Variants in HECW1 observed in about 807,000 individuals in gnomAD.
HECW1 encodes HECT, C2 and WW domain containing E3 ubiquitin protein ligase 1.
HECW1 carries 61 observed loss-of-function variants against 182.3 expected under a neutral mutation model. That is an observed-to-expected ratio of 0.33 (90% confidence interval 0.27 to 0.41). HECW1 has a LOEUF of 0.41. HECW1 is among the 10% of genes least tolerant of loss of function. The pLI is 1.00. For synonymous variants in HECW1, 859 were observed against 832.6 expected (o/e 1.03, Z -0.55); for missense variants, 1,739 against 2,108.9 (o/e 0.82, Z 3.44).
At chr7:43,266,781 C>T (rs1198799819) in intron 3 of HECW1, among the ~76,000 whole-genome samples, 1 of 152,030 alleles carries the variant, frequency 6.6e-6, no homozygotes, top group African/African-American at 2.4e-5. Flanking sequence ...CAAACTGGAC[C>T]AAACTACAAA....
chr7:43,432,132 GTTTAT>G lies in HECW1; in HGVS notation c.802-5863_802-5859del, dbSNP rs1020105192. On this transcript the variant is annotated intron_variant, in intron 8 of 29. Coordinates refer to ENST00000395891, the MANE Select transcript of HECW1 (RefSeq NM_015052.5). This position sits in a 1 kb window ranked among gnomAD's most constrained non-coding sequence, Gnocchi z 4.1. The stretch of plus-strand genomic sequence containing the variant: ...CATGAGCCACTGCACCCGGCCAGTT[GTTTAT>G]TTTATTTCTTTTTTTTTTTTGAGAC... Among the ~76,000 whole-genome samples, 4 of 141,822 alleles carry G rather than the reference GTTTAT, an allele frequency of 2.8e-5. No individual in the cohort carries two copies. The highest frequency in any genetic ancestry group is 2.3e-4 in the East Asian group (1 of 4,310). The allele number at this position is 141,822 out of a possible 152,430, so 93.0% of individuals were successfully genotyped here. A position where few individuals can be genotyped will look rare whatever the true frequency, so the allele number is the denominator to read the frequency against.
chr7:43,273,307 C>A (rs1256249087), intron 3 of HECW1, among the ~76,000 whole-genome samples: 1 of 151,716 alleles, frequency 6.6e-6, no homozygotes, highest in East Asian at 1.9e-4. Context: ...TCCACGTGTA[C>A]CCCTGAATCT....
intron 2 of HECW1, among the ~76,000 whole-genome samples, chr7:43,167,278 A>G (rs1325050174): frequency 1.3e-5 from 2 of 151,996 alleles, no homozygotes; most frequent in Non-Finnish European, 2.9e-5. Context: ...CTTCATCTCC[A>G]CATGGCCTCC....
intron 2 of HECW1, among the ~76,000 whole-genome samples, chr7:43,206,969 T>C (rs549702809): frequency 6.6e-6 from 1 of 152,368 alleles, no homozygotes; most frequent in African/African-American, 2.4e-5. Flanking sequence ...ATTTTGAATA[T>C]ATTATTGCAT....
intron 2 of HECW1, among the ~76,000 whole-genome samples, chr7:43,209,861 C>T (rs1016717026): frequency 1.3e-5 from 2 of 152,082 alleles, no homozygotes; most frequent in Non-Finnish European, 2.9e-5. Flanking sequence ...ACAAGATGGG[C>T]CGGGCATTGG....
intron 3 of HECW1, among the ~76,000 whole-genome samples, chr7:43,250,080 G>A (rs1005427423): frequency 6.7e-6 from 1 of 149,946 alleles, no homozygotes; most frequent in Non-Finnish European, 1.5e-5. Context: ...GGATGGATGT[G>A]TATTTTTCTT....
intron 6 of HECW1, among the ~76,000 whole-genome samples, chr7:43,390,537 T>TAAAAAAAAAAA (rs773044688): frequency 9.0e-6 from 1 of 111,226 alleles, no homozygotes; most frequent in Non-Finnish European, 1.9e-5. Context: ...AAGCAACTCT[T>TAAAAAAAAAAA]AAAAAAAAAA....
chr7:43,150,626 G>T (rs1025911971), intron 2 of HECW1, among the ~76,000 whole-genome samples: 2 of 152,148 alleles, frequency 1.3e-5, no homozygotes, highest in African/African-American at 4.8e-5. Context: ...TGATCCACCT[G>T]CCTTGGCCTC....
intron 8 of HECW1, among the ~76,000 whole-genome samples, chr7:43,436,892 T>G (rs2076730592): frequency 6.6e-6 from 1 of 152,176 alleles, no homozygotes; most frequent in South Asian, 2.1e-4. Context: ...TGAGATGGAG[T>G]CTCACTCTGT....
In HECW1 at chr7:43,501,207, A is replaced by G. The variant is rs776167261; in HGVS notation, c.3522-6A>G. 2 of 940,228 alleles carry G rather than the reference A, an allele frequency of 2.1e-6. No individual in the cohort carries two copies. The highest frequency in any genetic ancestry group is 2.2e-5 in the African/African-American group (1 of 44,626). 58.2% of individuals were successfully genotyped at this position (940,228 alleles called of 1,614,324 possible). On this transcript the variant is annotated splice_region_variant and splice_polypyrimidine_tract_variant and intron_variant, in intron 20 of 29. Coordinates refer to ENST00000395891, the MANE Select transcript of HECW1 (RefSeq NM_015052.5). Reference sequence around the variant, plus strand: ...TCTTTTTTTTTTTTTTTTTTTTCATATGCAGTCTCTTTGAAGAAGAGATTA... The same window carrying G: ...TCTTTTTTTTTTTTTTTTTTTTCATGTGCAGTCTCTTTGAAGAAGAGATTA...
intron 6 of HECW1, among the ~76,000 whole-genome samples, chr7:43,376,006 CAT>C (rs958987916): frequency 8.8e-5 from 13 of 147,134 alleles, no homozygotes; most frequent in Admixed American, 1.4e-4. Flanking sequence ...TATATATAAT[CAT>C]ATATATATAT....
intron 19 of HECW1, among the ~76,000 whole-genome samples, chr7:43,500,358 A>T (rs1032408590): frequency 6.6e-6 from 1 of 152,096 alleles, no homozygotes; most frequent in African/African-American, 2.4e-5. Context: ...TCAGCCTCCC[A>T]AAGTGCTGGG....
intron 2 of HECW1, among the ~76,000 whole-genome samples, chr7:43,162,685 G>C (rs1290366319): frequency 6.6e-6 from 1 of 152,192 alleles, no homozygotes; most frequent in Non-Finnish European, 1.5e-5. Flanking sequence ...ATTCCATAGG[G>C]AGAAAAACTG....
intron 5 of HECW1, among the ~76,000 whole-genome samples, chr7:43,322,562 C>T (rs1810264399): frequency 6.6e-6 from 1 of 152,184 alleles, no homozygotes; most frequent in African/African-American, 2.4e-5. Context: ...CCCTACTTCT[C>T]CATCCTCCCC....
At chr7:43,458,419 C>G (rs922356067) in intron 13 of HECW1, among the ~76,000 whole-genome samples, 10 of 152,184 alleles carry the variant, frequency 6.6e-5, no homozygotes, top group Non-Finnish European at 1.5e-4. Context: ...CAAATCCATC[C>G]TGAACCAGGT....
chr7:43,515,630 A>G (rs1277381030), intron 24 of HECW1, among the ~76,000 whole-genome samples: 3 of 152,178 alleles, frequency 2.0e-5, no homozygotes, highest in African/African-American at 4.8e-5. Context: ...CAGTGCAAAG[A>G]CACCTTTTTA....
intron 6 of HECW1, among the ~76,000 whole-genome samples, chr7:43,387,250 C>T (rs1262878959): frequency 6.6e-6 from 1 of 151,984 alleles, no homozygotes; most frequent in Non-Finnish European, 1.5e-5. Context: ...TTGAATGGAT[C>T]GAGGTTATGG....
chr7:43,411,463 G>T (rs2075801379), intron 8 of HECW1, among the ~76,000 whole-genome samples: 1 of 152,076 alleles, frequency 6.6e-6, no homozygotes, highest in African/African-American at 2.4e-5. Flanking sequence ...TCCTATTGTG[G>T]CATATCAAGT....
In HECW1 at chr7:43,394,069, T is replaced by A. The variant is rs116771694; in HGVS notation, c.556-2745T>A. Among the ~76,000 whole-genome samples the A allele has an allele frequency of 2.6e-3, 394 of 152,306 alleles. 1 individual carries two copies. The highest frequency in any genetic ancestry group is 9.1e-3 in the African/African-American group (380 of 41,570). Reference sequence around the variant, plus strand: ...AGCCAGAGGCTTTAGCCATTGATTGTTAATTGTCCTGGTGGTGCAGTATAG... The same window carrying A: ...AGCCAGAGGCTTTAGCCATTGATTGATAATTGTCCTGGTGGTGCAGTATAG... On this transcript the variant is annotated intron_variant, in intron 6 of 29. Coordinates refer to ENST00000395891, the MANE Select transcript of HECW1 (RefSeq NM_015052.5).
Sources: allele counts gnomAD v4.1 joint callset (sites outside exome capture counted in the v4.1 genomes callset), GRCh38; gene constraint gnomAD v4.1.1; non-coding constraint Gnocchi (gnomAD v3.1); transcripts MANE v1.5; gene names NCBI Gene and HGNC (gene_info 2026-07-23, HGNC 2026-07-21).